CACNA2D3: variants seen among roughly 807,000 people sequenced by gnomAD.
The protein encoded by CACNA2D3 is calcium voltage-gated channel auxiliary subunit alpha2delta 3.
A neutral mutation model predicts 160.6 loss-of-function variants in CACNA2D3; 60 were observed. The ratio of observed to expected loss-of-function variants is 0.37; its 90% CI spans 0.30 to 0.46. CACNA2D3 has a LOEUF of 0.46. CACNA2D3 is among the 20% of genes least tolerant of loss of function. The pLI, the probability that CACNA2D3 is intolerant of heterozygous loss-of-function variation, is 1.00. For missense variants in CACNA2D3, 1,205 were observed against 1,365.0 expected, an observed-to-expected ratio of 0.88 and a Z score of 1.85; for synonymous variants, 558 against 492.9, an observed-to-expected ratio of 1.13 and a Z score of -1.75.
intron 13 of CACNA2D3, among the ~76,000 whole-genome samples, chr3:54,773,540 C>T (rs1702359011): frequency 6.6e-6 from 1 of 152,176 alleles, no homozygotes; most frequent in South Asian, 2.1e-4. Flanking sequence ...TTAATAGCCT[C>T]CAGAGCCTTT....
At chr3:54,487,282 C>T (rs1575484034) in intron 4 of CACNA2D3, among the ~76,000 whole-genome samples, 3 of 152,244 alleles carry the variant, frequency 2.0e-5, no homozygotes, top group Admixed American at 6.5e-5. Flanking sequence ...TTGGGAGCAT[C>T]GCTTGAGCCC....
intron 27 of CACNA2D3, chr3:54,925,101 A>G (rs757969374): frequency 1.2e-6 from 2 of 1,614,138 alleles, no homozygotes; most frequent in Non-Finnish European, 1.7e-6. Context: ...GATTTCGGCC[A>G]GACCCTGCTG....
chr3:54,522,424 T>C (rs78868097), intron 5 of CACNA2D3, among the ~76,000 whole-genome samples: 3 of 152,184 alleles, frequency 2.0e-5, no homozygotes, highest in African/African-American at 4.8e-5. Context: ...TAGTTTTTTA[T>C]TGGGTTTCTT....
intron 21 of CACNA2D3, among the ~76,000 whole-genome samples, chr3:54,884,721 T>TTACAGTTGTTAC (rs1417441017): frequency 6.6e-6 from 1 of 152,248 alleles, no homozygotes; most frequent in Non-Finnish European, 1.5e-5. Context: ...CCGTTTTCAC[T>TTACAGTTGTTAC]TAGGATCCTG....
chr3:54,517,990 G>A (rs1304709097), intron 5 of CACNA2D3, among the ~76,000 whole-genome samples: 1 of 152,208 alleles, frequency 6.6e-6, no homozygotes, highest in South Asian at 2.1e-4. Context: ...GCTTGGGGAA[G>A]TCGTTCTGGG....
At chr3:54,153,763 A>G (rs532449179) in intron 2 of CACNA2D3, among the ~76,000 whole-genome samples, 119 of 152,294 alleles carry the variant, frequency 7.8e-4, no homozygotes, top group African/African-American at 2.8e-3. Flanking sequence ...TTTTTATTTT[A>G]TTATTTTTTA....
intron 13 of CACNA2D3, among the ~76,000 whole-genome samples, chr3:54,808,990 A>G (rs908082898): frequency 2.6e-5 from 4 of 152,208 alleles, no homozygotes; most frequent in South Asian, 2.1e-4. Flanking sequence ...TAAAGACTCA[A>G]TATGCATTAG....
At chr3:55,044,801 CTTGAGAT>C (rs1704040427) in intron 35 of CACNA2D3, among the ~76,000 whole-genome samples, 1 of 152,042 alleles carries the variant, frequency 6.6e-6, no homozygotes, top group Non-Finnish European at 1.5e-5. Flanking sequence ...TTCCTAATTT[CTTGAGAT>C]TTATTTCTCT....
intron 29 of CACNA2D3, among the ~76,000 whole-genome samples, 178 bp downstream of exon 29, chr3:54,970,022 C>A (rs1702235267): frequency 6.6e-6 from 1 of 151,748 alleles, no homozygotes; most frequent in South Asian, 2.1e-4. Flanking sequence ...TGTTCCCCAC[C>A]TCCCATCAGT....
At chr3:54,817,662 G>A (rs1689954148) in intron 14 of CACNA2D3, among the ~76,000 whole-genome samples, 1 of 152,204 alleles carries the variant, frequency 6.6e-6, no homozygotes, top group African/African-American at 2.4e-5. Context: ...AATTTAAACA[G>A]CATCTCCTAA....
At chr3:54,781,151 G>A (rs1055210266) in intron 13 of CACNA2D3, among the ~76,000 whole-genome samples, 2 of 152,164 alleles carry the variant, frequency 1.3e-5, no homozygotes, top group Non-Finnish European at 2.9e-5. Context: ...GTGCAAACAG[G>A]AACAAACTTG....
chr3:54,224,962 T>TTA (rs956746689), intron 2 of CACNA2D3, among the ~76,000 whole-genome samples: 1 of 144,462 alleles, frequency 6.9e-6, no homozygotes, highest in Non-Finnish European at 1.5e-5. Context: ...TTTTTTTACT[T>TTA]TATATATATA....
At chr3:54,846,328 T>A in intron 16 of CACNA2D3, 65 bp from the exon 17 acceptor site, 2 of 1,046,798 alleles carry the variant, frequency 1.9e-6, no homozygotes, top group Non-Finnish European at 2.9e-6. Flanking sequence ...GCCGGGCTGC[T>A]TTATGCTTTG....
At chr3:54,590,188 G>C (rs977530602) in intron 9 of CACNA2D3, among the ~76,000 whole-genome samples, 3 of 151,984 alleles carry the variant, frequency 2.0e-5, no homozygotes, top group Non-Finnish European at 4.4e-5. Flanking sequence ...TAAACAAACT[G>C]TTCTATGTCG....
intron 11 of CACNA2D3, among the ~76,000 whole-genome samples, chr3:54,727,233 A>G (rs1423950714): frequency 6.6e-6 from 1 of 152,126 alleles, no homozygotes; most frequent in African/African-American, 2.4e-5. Context: ...GTTAGAATGG[A>G]GGTCATTAAA....
chr3:54,715,721 A>G (rs926117341), intron 11 of CACNA2D3, among the ~76,000 whole-genome samples: 3 of 152,166 alleles, frequency 2.0e-5, no homozygotes, highest in African/African-American at 7.2e-5. Context: ...GACCAAATAT[A>G]TATTTCACAA....
chr3:54,610,169 ATTAAC>A (rs1387931052), intron 9 of CACNA2D3, among the ~76,000 whole-genome samples: 2 of 152,192 alleles, frequency 1.3e-5, no homozygotes. Context: ...GTGACCTCAT[ATTAAC>A]TTAATTAATT....
chr3:55,002,588 G>T (rs1023089440), intron 31 of CACNA2D3, among the ~76,000 whole-genome samples: 8 of 152,228 alleles, frequency 5.3e-5, no homozygotes, highest in African/African-American at 1.9e-4. Context: ...CCTAATGCTT[G>T]GCTGATTTAT....
Position 54,749,706 on chromosome 3 carries a change from A to G in CACNA2D3, c.1168-2893A>G, listed in dbSNP as rs371892041. 4.6e-5 allele frequency among the ~76,000 whole-genome samples: 7 copies of G among 152,218 alleles called. No individual in the cohort carries two copies. The East Asian group carries it at 9.6e-4, about 21-fold the overall frequency. ...GACGTGAACCCAGCATCCTTTGATT[A>G]TGTTTATTTTGTAGGCAGACATGCA... On this transcript the variant is annotated intron_variant, in intron 11 of 37. Coordinates refer to ENST00000474759, the MANE Select transcript of CACNA2D3 (RefSeq NM_018398.3).
Sources: gnomAD v4.1 joint callset for allele counts (sites outside exome capture counted in the v4.1 genomes callset) on GRCh38, gnomAD v4.1.1 for gene constraint, MANE v1.5 for transcripts, NCBI Gene and HGNC (gene_info 2026-07-23, HGNC 2026-07-21) for gene names.